Variants in DENR observed in about 807,000 individuals in gnomAD.
DENR encodes density regulated re-initiation and release factor.
Under a neutral mutation model 30.6 loss-of-function variants are expected in DENR, and 6 were observed. The observed-to-expected ratio is 0.20, with a 90% CI of 0.11 to 0.39. The LOEUF (loss-of-function observed/expected upper bound fraction) is 0.39, where lower values mean the gene tolerates loss of function less well. DENR is among the 10% of genes least tolerant of loss of function. The pLI is 1.00. For missense variants in DENR, 141 were observed against 230.9 expected, an observed-to-expected ratio of 0.61 and a Z score of 2.52; for synonymous variants, 78 against 72.1, an observed-to-expected ratio of 1.08 and a Z score of -0.41.
chr12:122,767,398 AC>A, intron 5 of DENR, 89 bp from the exon 6 acceptor site: 1 of 837,066 alleles, frequency 1.2e-6, no homozygotes. Context: ...AGAAAAAGAA[AC>A]TTAAACCTTT....
intron 2 of DENR, among the ~76,000 whole-genome samples, chr12:122,754,445 G>A (rs1480986541): frequency 2.0e-5 from 3 of 152,060 alleles, no homozygotes; most frequent in Admixed American, 1.3e-4. Flanking sequence ...GTATGTATTC[G>A]CATCTTGGAA....
chr12:122,768,979 A>AT, intron 7 of DENR, 55 bp from the exon 8 acceptor site: 1 of 1,607,058 alleles, frequency 6.2e-7, no homozygotes, highest in South Asian at 1.1e-5. Flanking sequence ...AATTGCTTCC[A>AT]TTTTTTCTTA....
Position 122,769,049 on chromosome 12 carries a change from A to G in DENR, c.568A>G (p.Ile190Val). 6.2e-7 allele frequency: 1 copy of G among 1,611,380 alleles called. No individual in the cohort carries two copies. Among genetic ancestry groups the G allele is most frequent in the Non-Finnish European group, 8.5e-7 (1 of 1,178,962 alleles). Reference protein sequence around the residue: ...EKWPEVDDDSIEDLGEVKK With the variant: ...EKWPEVDDDSVEDLGEVKK The stretch of plus-strand genomic sequence containing the variant: ...TGTTTTATAGGTAGATGATGACAGC[A>G]TCGAAGATCTTGGAGAAGTAAAGAA... The change falls in exon 8 of 8, where the codon ATC becomes GTC. Residue 190 changes from isoleucine (I) to valine (V), a missense_variant. Transcript: ENST00000280557.
intron 4 of DENR, among the ~76,000 whole-genome samples, chr12:122,764,197 T>C (rs575033263): frequency 1.4e-4 from 22 of 152,156 alleles, no homozygotes; most frequent in Non-Finnish European, 2.6e-4. Flanking sequence ...CATTGTGGGC[T>C]GTTTTGGCTT....
At chr12:122,755,151 C>T (rs1000183997) in intron 2 of DENR, among the ~76,000 whole-genome samples, 11 of 152,174 alleles carry the variant, frequency 7.2e-5, no homozygotes, top group African/African-American at 2.2e-4. Flanking sequence ...CAGAAAGATT[C>T]TTGGGGTGTA....
intron 6 of DENR, 60 bp downstream of exon 6, chr12:122,767,664 C>A: frequency 1.0e-6 from 1 of 975,860 alleles, no homozygotes; most frequent in Non-Finnish European, 1.5e-6. Context: ...CTGTCTCCCT[C>A]TATCTCTCTG....
chr12:122,763,603 A>T (rs1878765277), intron 4 of DENR, among the ~76,000 whole-genome samples: 1 of 152,156 alleles, frequency 6.6e-6, no homozygotes. Flanking sequence ...CGGGAGGCTG[A>T]GGCAGAAGAA....
intron 6 of DENR, chr12:122,768,291 A>C (rs1050744598): frequency 6.5e-6 from 1 of 152,768 alleles, no homozygotes; most frequent in African/African-American, 2.4e-5. Context: ...CTGAGGTAGG[A>C]GTTTGAGACC....
Position 122,769,599 on chromosome 12 carries a change from C to T in DENR, c.*521C>T, listed in dbSNP as rs564339694. On this transcript the variant is annotated 3_prime_UTR_variant, in exon 8 of 8. Transcript: ENST00000280557. ...TCGGCTCACTGCAACCTCCGCCTCC[C>T]GGGTTCAAGTGATTCTCCTGCCTCA... 2.3e-3 allele frequency: 1,114 copies of T among 475,794 alleles called. 3 individuals carry two copies. The highest frequency in any genetic ancestry group is 3.7e-3 in the Admixed American group (62 of 16,560). 29.5% of individuals were successfully genotyped at this position (475,794 alleles called of 1,614,324 possible).
chr12:122,769,514 C>CTCTCT lies in DENR; in HGVS notation c.*437_*438insCTCTT, dbSNP rs747239730. ...TGACTTTCTCTCTCTCTCTCTCTCT[C>CTCTCT]TTTTTTTTTTTTGACAGAGTCTCGC... On this transcript the variant is annotated 3_prime_UTR_variant, in exon 8 of 8. Transcript: ENST00000280557. 8,466 of 652,292 alleles carry CTCTCT rather than the reference C, an allele frequency of 0.013. 496 individuals are homozygous for CTCTCT. In the African/African-American group the frequency reaches 0.16, roughly 13 times the overall value. 40.4% of individuals were successfully genotyped at this position (652,292 alleles called of 1,614,324 possible).
rs148162933 is a variant in DENR, at chr12:122,767,427, A to G, written c.296-61A>G. ...AAACCTTTTGAGAATTAATAAATTT[A>G]AAGACAGTATTCTCTTATGTCAAAA... On this transcript the variant is annotated intron_variant, in intron 5 of 7. Coordinates refer to ENST00000280557, the MANE Select transcript of DENR (RefSeq NM_003677.5). The G allele has an allele frequency of 2.3e-4, 241 of 1,041,738 alleles. No individual in the cohort carries two copies. In the African/African-American group the frequency reaches 3.8e-3, roughly 16 times the overall value. 64.5% of individuals were successfully genotyped at this position (1,041,738 alleles called of 1,614,324 possible).
At position 122,753,819 on chromosome 12, in the gene DENR, T is replaced by C. The variant is rs754682328; in HGVS notation, c.106+12T>C. 6.3e-7 allele frequency: 1 copy of C among 1,597,846 alleles called. No individual in the cohort carries two copies. Among genetic ancestry groups the C allele is most frequent in the Non-Finnish European group, 8.6e-7 (1 of 1,165,936 alleles). On this transcript the variant is annotated intron_variant, in intron 2 of 7. Coordinates refer to ENST00000280557, the MANE Select transcript of DENR (RefSeq NM_003677.5). ...CCTTTATTGTGGAGGCAAGTGTTGG[T>C]AGCCACAGAATGACTTTTACTCACT...
At chr12:122,763,883 G>A (rs1878774225) in intron 4 of DENR, among the ~76,000 whole-genome samples, 1 of 152,202 alleles carries the variant, frequency 6.6e-6, no homozygotes, top group East Asian at 1.9e-4. Flanking sequence ...AACATAGTAT[G>A]TAGACAGTAA....
intron 2 of DENR, among the ~76,000 whole-genome samples, chr12:122,761,964 G>A (rs1878711830): frequency 6.6e-6 from 1 of 152,160 alleles, no homozygotes; most frequent in African/African-American, 2.4e-5. Flanking sequence ...AGCTGATGGA[G>A]ACACTCTTTA....
intron 6 of DENR, 23 bp from the exon 7 acceptor site, chr12:122,768,759 T>C: frequency 6.6e-7 from 1 of 1,523,846 alleles, no homozygotes; most frequent in Non-Finnish European, 8.8e-7. Context: ...CAGTTCTTGC[T>C]CTTTCTTTTT....
chr12:122,767,548 A>T lies in DENR; in HGVS notation c.356A>T (p.Lys119Ile). 6.2e-7 allele frequency: 1 copy of T among 1,603,048 alleles called. No homozygotes were observed. Among genetic ancestry groups the T allele is most frequent in the South Asian group, 1.1e-5 (1 of 88,386 alleles). The stretch of plus-strand genomic sequence containing the variant: ...GTACCACAAAAGGTTACTATAGCCA[A>T]AATTCCCAGAGCAAAGAAGAAATAT... ...KTVPQKVTIA[K>I]IPRAKKKYVT... Residue 119 changes from lysine (K) to isoleucine (I), a missense_variant, in exon 6 of 8, where the codon AAA becomes ATA. Lys to Ile is a moderately radical substitution (Grantham distance 102, BLOSUM62 -3). Coordinates refer to ENST00000280557, the MANE Select transcript of DENR (RefSeq NM_003677.5).
At chr12:122,758,704 C>T (rs556894805) in intron 2 of DENR, among the ~76,000 whole-genome samples, 3 of 152,152 alleles carry the variant, frequency 2.0e-5, no homozygotes, top group Non-Finnish European at 2.9e-5. Context: ...TACTCGGAGG[C>T]TGTAGTGGAA....
intron 2 of DENR, among the ~76,000 whole-genome samples, chr12:122,758,081 T>C (rs964172785): frequency 2.1e-4 from 32 of 152,252 alleles, no homozygotes; most frequent in African/African-American, 7.0e-4. Context: ...TTTTTGTTTG[T>C]TTGTTTTTCA....
chr12:122,758,918 CA>C (rs1737859975), intron 2 of DENR, among the ~76,000 whole-genome samples: 1 of 150,678 alleles, frequency 6.6e-6, no homozygotes, highest in African/African-American at 2.5e-5. Context: ...AGTCTCAGCT[CA>C]CTGCAGCCTC....
Sources: allele counts gnomAD v4.1 joint callset (sites outside exome capture counted in the v4.1 genomes callset), GRCh38; gene constraint gnomAD v4.1.1; transcripts MANE v1.5; gene names NCBI Gene and HGNC (gene_info 2026-07-23, HGNC 2026-07-21).